ME3: variants seen among roughly 807,000 people sequenced by gnomAD.
ME3 encodes malic enzyme 3, also known as NADP-dependent malic enzyme, mitochondrial.
Under a neutral mutation model 68.9 loss-of-function variants are expected in ME3, and 48 were observed. The observed-to-expected ratio is 0.70, with a 90% confidence interval of 0.55 to 0.89. The LOEUF is 0.89. ME3 is among the 40% of genes least tolerant of loss of function. The pLI, the probability that ME3 is intolerant of heterozygous loss-of-function variation, is 0.00. For synonymous variants in ME3, 320 were observed against 318.8 expected (o/e 1.00, Z -0.04); for missense variants, 675 against 797.4 (o/e 0.85, Z 1.85).
chr11:86,546,288 T>C (rs1421518266), intron 4 of ME3, among the ~76,000 whole-genome samples: 2 of 152,140 alleles, frequency 1.3e-5, no homozygotes, highest in Non-Finnish European at 2.9e-5. Context: ...CCAAAAGCAG[T>C]GGCAACAAAG....
At chr11:86,632,709 A>T (rs115055659) in intron 2 of ME3, among the ~76,000 whole-genome samples, 3,750 of 152,266 alleles carry the variant, frequency 0.025, 138 homozygotes, top group African/African-American at 0.08. Flanking sequence ...AGGAGGCCAC[A>T]GGGGCAGAAC....
chr11:86,505,531 T>C (rs1486687217), intron 5 of ME3, among the ~76,000 whole-genome samples: 1 of 150,734 alleles, frequency 6.6e-6, no homozygotes, highest in Non-Finnish European at 1.5e-5. Context: ...AGGGGTCGAA[T>C]CATTTGACTG....
exon 15 of ME3, chr11:86,441,215 C>T: frequency 2.2e-6 from 3 of 1,362,928 alleles, no homozygotes; most frequent in Non-Finnish European, 2.9e-6. Flanking sequence ...CATTTTGGAA[C>T]CCATTTATAT....
intron 2 of ME3, among the ~76,000 whole-genome samples, chr11:86,608,571 A>T (rs1055716111): frequency 7.9e-5 from 12 of 152,168 alleles, no homozygotes; most frequent in African/African-American, 2.9e-4. Context: ...TCTAGAGGTT[A>T]AAGTGTGCAG....
chr11:86,541,703 G>A (rs1286646404), intron 4 of ME3, among the ~76,000 whole-genome samples: 2 of 152,156 alleles, frequency 1.3e-5, no homozygotes, highest in Admixed American at 6.5e-5. Flanking sequence ...TCAGGGAAGG[G>A]GCAGCTTTGG....
intron 4 of ME3, among the ~76,000 whole-genome samples, chr11:86,520,181 G>A (rs1018881019): frequency 6.6e-6 from 1 of 152,146 alleles, no homozygotes; most frequent in Non-Finnish European, 1.5e-5. Flanking sequence ...GATAACCAGT[G>A]GATGTGGAGT....
intron 5 of ME3, among the ~76,000 whole-genome samples, chr11:86,498,773 G>A (rs989256730): frequency 1.3e-5 from 2 of 152,182 alleles, no homozygotes; most frequent in Admixed American, 1.3e-4. Context: ...TGAATTAATA[G>A]ATATGAATGA....
At chr11:86,513,649 A>T (rs979479694) in intron 4 of ME3, among the ~76,000 whole-genome samples, 1 of 152,160 alleles carries the variant, frequency 6.6e-6, no homozygotes, top group Non-Finnish European at 1.5e-5. Context: ...TGGGGTCCCT[A>T]ATAGTTTTCT....
exon 13 of ME3, chr11:86,446,317 T>C (rs1366532314): frequency 3.1e-6 from 5 of 1,613,984 alleles, no homozygotes; most frequent in Non-Finnish European, 4.2e-6. Flanking sequence ...GTGATACCTC[T>C]GCTGTCAGGA....
exon 7 of ME3, chr11:86,487,353 G>T: frequency 6.2e-7 from 1 of 1,614,054 alleles, no homozygotes; most frequent in Non-Finnish European, 8.5e-7. Context: ...GTCACAGCCT[G>T]CATGAACTCA....
intron 14 of ME3, 142 bp from the exon 15 acceptor site, chr11:86,441,582 G>T: frequency 3.9e-6 from 3 of 761,918 alleles, no homozygotes; most frequent in Non-Finnish European, 6.1e-6. Context: ...TGAAACAACT[G>T]GATAGGAAGG....
intron 3 of ME3, among the ~76,000 whole-genome samples, chr11:86,557,594 G>C (rs574014736): frequency 2.6e-5 from 4 of 152,256 alleles, no homozygotes; most frequent in Admixed American, 2.6e-4. Context: ...TGTGAACTTG[G>C]GAAAGTCTTG....
chr11:86,580,872 A>T (rs1474297601), intron 2 of ME3, among the ~76,000 whole-genome samples: 2 of 152,206 alleles, frequency 1.3e-5, no homozygotes, highest in Non-Finnish European at 2.9e-5. Flanking sequence ...CACATTAGAG[A>T]CAAGGTTTGA....
chr11:86,580,221 T>A (rs981454253), intron 2 of ME3, among the ~76,000 whole-genome samples: 2 of 152,298 alleles, frequency 1.3e-5, no homozygotes, highest in Admixed American at 1.3e-4. Context: ...AGATTGACAT[T>A]GTCGACCCTG....
At chr11:86,455,419 T>C (rs1949857747) in intron 8 of ME3, among the ~76,000 whole-genome samples, 3 of 152,244 alleles carry the variant, frequency 2.0e-5, no homozygotes, top group Admixed American at 1.3e-4. Context: ...TAGACCAAGC[T>C]CATTTCTGTT....
chr11:86,605,412 C>A (rs555140041), intron 2 of ME3, among the ~76,000 whole-genome samples: 8 of 152,124 alleles, frequency 5.3e-5, no homozygotes, highest in African/African-American at 2.4e-5. Flanking sequence ...GGTATTGGTC[C>A]TGAAAAGCAT....
chr11:86,456,559 A>C (rs1949941398), intron 8 of ME3, among the ~76,000 whole-genome samples: 1 of 152,058 alleles, frequency 6.6e-6, no homozygotes, highest in Non-Finnish European at 1.5e-5. Context: ...CCATCCCTTC[A>C]TGATCTCTGC....
chr11:86,631,953 G>C (rs1209265549), intron 2 of ME3, among the ~76,000 whole-genome samples: 1 of 152,036 alleles, frequency 6.6e-6, no homozygotes, highest in African/African-American at 2.4e-5. Context: ...GGCTGGTCTC[G>C]AACTCCTGAC....
intron 2 of ME3, among the ~76,000 whole-genome samples, chr11:86,663,713 G>A (rs978573782): frequency 3.3e-5 from 5 of 152,130 alleles, no homozygotes; most frequent in Admixed American, 1.3e-4. Flanking sequence ...ATGATAAAAA[G>A]AAACCTTTGG....
Sources: gnomAD v4.1 joint callset for allele counts (sites outside exome capture counted in the v4.1 genomes callset) on GRCh38, gnomAD v4.1.1 for gene constraint, MANE v1.5 for transcripts, NCBI Gene and HGNC (gene_info 2026-07-23, HGNC 2026-07-21) for gene names.